The following EFCAB13 variants were observed in gnomAD, a reference collection of about 807,000 sequenced individuals.
The protein encoded by EFCAB13 is EF-hand calcium binding domain 13, also known as EF-hand calcium-binding domain-containing protein 13.
Under a neutral mutation model 110.2 loss-of-function variants are expected in EFCAB13, and 91 were observed. The observed-to-expected ratio is 0.83, with a 90% CI of 0.70 to 0.98. EFCAB13 has a LOEUF of 0.98. Ranked by LOEUF, EFCAB13 falls within the 50% of genes least tolerant of loss-of-function variation. The probability of loss-of-function intolerance (pLI) is 0.00; values close to 1 mark genes in which losing one functional copy is unlikely to be tolerated. For synonymous variants in EFCAB13, 323 were observed against 369.9 expected (o/e 0.87, Z 1.45); for missense variants, 968 against 1,119.4 (o/e 0.86, Z 1.93).
At chr17:47,337,860 A>C (rs1273980471) in intron 5 of EFCAB13, among the ~76,000 whole-genome samples, 2 of 152,214 alleles carry the variant, frequency 1.3e-5, no homozygotes, top group African/African-American at 2.4e-5. Flanking sequence ...TATGAGTTAT[A>C]GTATCCAGTG....
intron 14 of EFCAB13, among the ~76,000 whole-genome samples, chr17:47,383,903 TGTTTCC>T (rs1300252213): frequency 2.0e-5 from 3 of 152,220 alleles, no homozygotes; most frequent in Admixed American, 6.5e-5. Context: ...ATTAATTTTT[TGTTTCC>T]TTGAGCTGTC....
intron 9 of EFCAB13, among the ~76,000 whole-genome samples, chr17:47,360,537 G>C (rs1383663455): frequency 3.3e-5 from 5 of 152,194 alleles, no homozygotes; most frequent in Admixed American, 6.5e-5. Context: ...CCCTTTGTCA[G>C]ATGAATAGGT....
intron 13 of EFCAB13, 37 bp from the exon 14 acceptor site, chr17:47,379,145 C>T: frequency 1.3e-6 from 2 of 1,527,630 alleles, no homozygotes; most frequent in Non-Finnish European, 1.8e-6. Flanking sequence ...TGCAAAAATA[C>T]ACCAGAATGT....
Position 47,345,084 on chromosome 17 carries a change from C to A in EFCAB13, c.503C>A (p.Ser168Ter). Residue 168 changes from serine to a stop codon, truncating the protein, a stop_gained, in exon 8 of 25, where the codon TCA becomes TAA. Transcript: ENST00000331493. LOFTEE classifies it high-confidence loss of function. ...YDEVTHGYLH[S>*]KELSALHKAC... is the part of the protein sequence containing the mutation. ...GAAGTAACCCATGGATATTTACACT[C>A]AAAAGAATTAAGTGGTAATAAGAGG... 6.2e-7 allele frequency: 1 copy of A among 1,600,096 alleles called. No homozygotes were observed. The highest frequency in any genetic ancestry group is 1.1e-5 in the South Asian group (1 of 88,236).
intron 11 of EFCAB13, 89 bp from the exon 12 acceptor site, chr17:47,374,383 A>C (rs1048261454): frequency 8.9e-7 from 1 of 1,125,892 alleles, no homozygotes; most frequent in Non-Finnish European, 1.2e-6. Flanking sequence ...AATTTCTTGA[A>C]TAGTTTTCAT....
chr17:47,335,340 C>A lies in EFCAB13; in HGVS notation c.175C>A (p.Pro59Thr). The A allele has an allele frequency of 6.3e-7, 1 of 1,585,126 alleles. No individual in the cohort carries two copies. The highest frequency in any genetic ancestry group is 8.5e-7 in the Non-Finnish European group (1 of 1,171,674). ...TTCACCGGAAATTAGGAGTTTGAGC[C>A]CAGAATATAAAAAAATGTAAGTTAA... ...EISPEIRSLSPEYKKIFETSI... is the reference protein window; with the variant it reads ...EISPEIRSLSTEYKKIFETSI... The change falls in exon 5 of 25, where the codon CCA becomes ACA. Residue 59 changes from proline (P) to threonine (T), a missense_variant. Pro to Thr is a conservative substitution (Grantham distance 38). Transcript: ENST00000331493.
chr17:47,397,785 G>A (rs1397425372), intron 17 of EFCAB13, among the ~76,000 whole-genome samples: 9 of 150,568 alleles, frequency 6.0e-5, no homozygotes, highest in Admixed American at 1.3e-4. Flanking sequence ...GCAACCGCCC[G>A]TCTGAGAAGT....
chr17:47,353,752 A>G (rs1316085485), intron 9 of EFCAB13, among the ~76,000 whole-genome samples: 2 of 152,218 alleles, frequency 1.3e-5, no homozygotes, highest in African/African-American at 4.8e-5. Context: ...AACAATATAG[A>G]TATGATGCTT....
At chr17:47,360,419 G>A (rs921535644) in intron 9 of EFCAB13, among the ~76,000 whole-genome samples, 1 of 152,130 alleles carries the variant, frequency 6.6e-6, no homozygotes, top group Non-Finnish European at 1.5e-5. Context: ...CTGCATAAAT[G>A]TCTTCTTTTG....
chr17:47,360,124 C>G (rs1486858168), intron 9 of EFCAB13, among the ~76,000 whole-genome samples: 1 of 152,066 alleles, frequency 6.6e-6, no homozygotes, highest in Non-Finnish European at 1.5e-5. Flanking sequence ...GATTTATAGT[C>G]CTTTGGGTAT....
intron 23 of EFCAB13, among the ~76,000 whole-genome samples, chr17:47,425,859 A>G (rs545707102): frequency 2.6e-5 from 4 of 152,354 alleles, no homozygotes; most frequent in Admixed American, 6.5e-5. Flanking sequence ...GCGCAGAACT[A>G]TCGTAAACGC....
chr17:47,386,850 G>C (rs963284053), intron 14 of EFCAB13, among the ~76,000 whole-genome samples: 1 of 152,130 alleles, frequency 6.6e-6, no homozygotes, highest in Non-Finnish European at 1.5e-5. Context: ...AGTCTCTCAA[G>C]GCTTCCCTTG....
intron 12 of EFCAB13, 67 bp downstream of exon 12, chr17:47,375,033 T>TA: frequency 1.4e-6 from 2 of 1,460,960 alleles, no homozygotes; most frequent in Non-Finnish European, 1.8e-6. Context: ...AATCAATTAT[T>TA]AGATAGTTGT....
intron 3 of EFCAB13, among the ~76,000 whole-genome samples, chr17:47,327,861 C>A (rs187629450): frequency 2.6e-5 from 4 of 152,196 alleles, no homozygotes; most frequent in African/African-American, 9.7e-5. Flanking sequence ...TCTGTCTCTA[C>A]TATTTGCTGG....
chr17:47,366,041 T>C (rs1178592771), intron 10 of EFCAB13, among the ~76,000 whole-genome samples: 1 of 152,206 alleles, frequency 6.6e-6, no homozygotes, highest in African/African-American at 2.4e-5. Flanking sequence ...TATAACACAG[T>C]CCTGCTAAAA....
chr17:47,432,903 A>T (rs545100109), intron 24 of EFCAB13, among the ~76,000 whole-genome samples: 2 of 152,210 alleles, frequency 1.3e-5, no homozygotes, highest in Admixed American at 1.3e-4. Flanking sequence ...TACCCTACCC[A>T]GCTTCCCCTA....
At chr17:47,397,700 C>T (rs979010698) in intron 17 of EFCAB13, among the ~76,000 whole-genome samples, 3 of 151,386 alleles carry the variant, frequency 2.0e-5, no homozygotes, top group Admixed American at 6.6e-5. Flanking sequence ...TCTACCCGGC[C>T]GCGACCCCAT....
intron 11 of EFCAB13, among the ~76,000 whole-genome samples, chr17:47,373,595 G>A (rs1158845406): frequency 1.3e-5 from 2 of 152,094 alleles, no homozygotes; most frequent in African/African-American, 2.4e-5. Flanking sequence ...AGGCTGTTTG[G>A]TGTGGTCCAA....
At chr17:47,432,664 T>G (rs2143522542) in intron 24 of EFCAB13, among the ~76,000 whole-genome samples, 1 of 152,270 alleles carries the variant, frequency 6.6e-6, no homozygotes, top group East Asian at 1.9e-4. Context: ...TAATAATGCT[T>G]TTTTCTTAAC....
Sources: gnomAD v4.1 joint callset for allele counts (sites outside exome capture counted in the v4.1 genomes callset) on GRCh38, gnomAD v4.1.1 for gene constraint, MANE v1.5 for transcripts, NCBI Gene and HGNC (gene_info 2026-07-23, HGNC 2026-07-21) for gene names.